Variants in NEGR1 observed in about 807,000 individuals in gnomAD.
NEGR1 encodes the protein neuronal growth regulator 1.
Under a neutral mutation model 40.9 loss-of-function variants are expected in NEGR1, and 10 were observed. That is an observed-to-expected ratio of 0.24 (90% confidence interval 0.15 to 0.42). The LOEUF (loss-of-function observed/expected upper bound fraction) is 0.42, where lower values mean the gene tolerates loss of function less well. Among genes scored for constraint, NEGR1 ranks in the 10% least tolerant of loss-of-function variants. NEGR1 has a pLI of 1.00. For synonymous variants in NEGR1, 185 were observed against 166.8 expected (o/e 1.11, Z -0.84); for missense variants, 352 against 438.9 (o/e 0.80, Z 1.77).
rs147089250 is a variant in NEGR1 at position 72,210,155 on chromosome 1, T to G, written c.176+72164A>C. ...GGGTCTCTGAATTTCATTTACTCCA[T>G]AAATAAAAACTATTTTCATAAATAG... On this transcript the variant is annotated intron_variant, in intron 1 of 6. Transcript: ENST00000357731. Among the ~76,000 whole-genome samples the G allele has an allele frequency of 1.4e-4, 21 of 152,012 alleles. No individual in the cohort carries two copies. In the East Asian group the frequency reaches 4.1e-3, roughly 29 times the overall value.
Position 71,547,436 on chromosome 1 carries a change from A to C in NEGR1, c.940+45381T>G, listed in dbSNP as rs1269686328. On this transcript the variant is annotated intron_variant, in intron 6 of 6. Transcript: ENST00000357731. ...GATAGGCTGTTTCTGCTCACAGTCT[A>C]TTCTTGTGTCTTCCCTGTTGGAGAG... Among the ~76,000 whole-genome samples, 2 of 151,726 alleles carry C rather than the reference A, an allele frequency of 1.3e-5. 1 individual carries two copies. The highest frequency in any genetic ancestry group is 1.3e-4 in the Admixed American group (2 of 15,232).
intron 4 of NEGR1, among the ~76,000 whole-genome samples, chr1:71,612,310 A>G (rs1024515446): frequency 2.0e-5 from 3 of 152,248 alleles, no homozygotes; most frequent in Non-Finnish European, 4.4e-5. Flanking sequence ...AGTTCCTTGA[A>G]GGCAGGGTTA....
chr1:71,915,901 C>G (rs1661563973), intron 2 of NEGR1, among the ~76,000 whole-genome samples: 1 of 152,138 alleles, frequency 6.6e-6, no homozygotes, highest in Non-Finnish European at 1.5e-5. Flanking sequence ...AAGTAACAGA[C>G]TATGATAGGA....
chr1:72,145,640 C>A (rs571906793), intron 1 of NEGR1, among the ~76,000 whole-genome samples: 20 of 152,098 alleles, frequency 1.3e-4, no homozygotes, highest in Non-Finnish European at 2.1e-4. Context: ...CATAGGTAAG[C>A]GGCATTTAGT....
At chr1:72,273,990 T>C (rs948620315) in intron 1 of NEGR1, among the ~76,000 whole-genome samples, 13 of 144,818 alleles carry the variant, frequency 9.0e-5, no homozygotes, top group African/African-American at 3.2e-4. Flanking sequence ...AACCCACGTG[T>C]TGTTCTTTTT....
intron 3 of NEGR1, among the ~76,000 whole-genome samples, chr1:71,730,129 T>C (rs1001878375): frequency 4.6e-5 from 7 of 150,572 alleles, no homozygotes; most frequent in Non-Finnish European, 1.0e-4. Flanking sequence ...AACTGGTTTT[T>C]ACAAGAAGAT....
intron 1 of NEGR1, among the ~76,000 whole-genome samples, chr1:72,220,378 G>T (rs528762763): frequency 1.3e-5 from 2 of 151,726 alleles, no homozygotes; most frequent in African/African-American, 4.8e-5. Context: ...AGTTACCGGG[G>T]ACCATATGAA....
intron 6 of NEGR1, among the ~76,000 whole-genome samples, chr1:71,509,838 T>G (rs1241736672): frequency 6.6e-6 from 1 of 152,208 alleles, no homozygotes; most frequent in Admixed American, 6.5e-5. Flanking sequence ...TCATCAGTTA[T>G]ACTTGGGATG....
chr1:71,759,477 T>C (rs988421128), intron 3 of NEGR1, among the ~76,000 whole-genome samples: 3 of 151,320 alleles, frequency 2.0e-5, no homozygotes, highest in African/African-American at 7.3e-5. Context: ...TTTTGTATTT[T>C]TAGTAGACAC....
At chr1:71,499,714 T>C (rs1569952095) in intron 6 of NEGR1, among the ~76,000 whole-genome samples, 1 of 152,012 alleles carries the variant, frequency 6.6e-6, no homozygotes, top group East Asian at 1.9e-4. Context: ...GCAGTAGATG[T>C]TCACTACCAA....
intron 1 of NEGR1, among the ~76,000 whole-genome samples, chr1:71,994,810 A>G (rs919900471): frequency 3.3e-5 from 5 of 152,078 alleles, no homozygotes; most frequent in Admixed American, 3.3e-4. Flanking sequence ...AACTTCCTGT[A>G]TGGCAGTCTA....
chr1:71,571,264 C>T (rs1276933480), intron 6 of NEGR1, among the ~76,000 whole-genome samples: 2 of 152,132 alleles, frequency 1.3e-5, no homozygotes, highest in Admixed American at 6.5e-5. Flanking sequence ...TTATTTGCTT[C>T]GCAAAGCATA....
intron 6 of NEGR1, among the ~76,000 whole-genome samples, chr1:71,532,375 G>C (rs559246669): frequency 6.6e-6 from 1 of 151,650 alleles, no homozygotes; most frequent in South Asian, 2.1e-4. Flanking sequence ...CCTCTAACTT[G>C]ATAGTTTCAA....
chr1:71,532,758 G>A (rs1186226009), intron 6 of NEGR1, among the ~76,000 whole-genome samples: 3 of 151,642 alleles, frequency 2.0e-5, no homozygotes, highest in East Asian at 2.0e-4. Context: ...GAGCAGTACC[G>A]CAAGCATGCG....
intron 6 of NEGR1, among the ~76,000 whole-genome samples, chr1:71,577,691 C>T (rs1038145544): frequency 4.6e-5 from 7 of 152,158 alleles, no homozygotes; most frequent in Middle Eastern, 3.2e-3. Context: ...AGTCTGAAAG[C>T]GTCCTCTGTC....
chr1:72,212,444 G>A (rs1449559650), intron 1 of NEGR1, among the ~76,000 whole-genome samples: 1 of 151,902 alleles, frequency 6.6e-6, no homozygotes, highest in Non-Finnish European at 1.5e-5. Flanking sequence ...CAAGGTTGGT[G>A]GTGGGCAGCA....
intron 6 of NEGR1, among the ~76,000 whole-genome samples, chr1:71,497,370 G>A (rs1291725361): frequency 3.3e-5 from 5 of 151,968 alleles, no homozygotes; most frequent in South Asian, 4.2e-4. Flanking sequence ...AAATATCAGC[G>A]TTCATTCTAA....
chr1:71,928,065 CACACATATGTACATATATGTATATAT>C (rs1311914251), intron 2 of NEGR1, among the ~76,000 whole-genome samples: 11 of 38,412 alleles, frequency 2.9e-4, no homozygotes, highest in Non-Finnish European at 5.4e-4. Flanking sequence ...TATATACACA[CACACATATGTACATATATGTATATAT>C]ACACACATAT....
chr1:71,703,172 A>G (rs1653759324), intron 3 of NEGR1: 1 of 152,162 alleles, frequency 6.6e-6, no homozygotes, highest in Non-Finnish European at 1.5e-5. Flanking sequence ...ATGAACAAGA[A>G]TATAATCACC....
Sources: allele counts gnomAD v4.1 joint callset (sites outside exome capture counted in the v4.1 genomes callset), GRCh38; gene constraint gnomAD v4.1.1; transcripts MANE v1.5; gene names NCBI Gene and HGNC (gene_info 2026-07-23, HGNC 2026-07-21).